The following FAM186A variants were observed in gnomAD, a reference collection of about 807,000 sequenced individuals.
The protein encoded by FAM186A is family with sequence similarity 186 member A.
In FAM186A, 163 loss-of-function variants were observed where a neutral mutation model predicts 216.8. The ratio of observed to expected loss-of-function variants is 0.75; its 90% CI spans 0.66 to 0.86. The LOEUF (loss-of-function observed/expected upper bound fraction) is 0.86, where lower values mean the gene tolerates loss of function less well. Ranked by LOEUF, FAM186A falls within the 40% of genes least tolerant of loss-of-function variation. The pLI is 0.00. For missense variants in FAM186A, 2,184 were observed against 2,746.2 expected (o/e 0.80, Z 4.58); for synonymous variants, 805 against 1,025.3 (o/e 0.79, Z 4.10).
chr12:50,344,870 G>A (rs570674550), intron 4 of FAM186A, among the ~76,000 whole-genome samples: 5 of 152,152 alleles, frequency 3.3e-5, no homozygotes. Context: ...GCTACTCGGA[G>A]GCTGATATGG....
At chr12:50,361,696 T>C (rs1182821021) in intron 2 of FAM186A, among the ~76,000 whole-genome samples, 1 of 148,276 alleles carries the variant, frequency 6.7e-6, no homozygotes. Flanking sequence ...TCAGCCTCCC[T>C]AGTAGCTGGG....
At chr12:50,327,472 G>T in intron 7 of FAM186A, 68 bp from the exon 8 acceptor site, 1 of 1,177,760 alleles carries the variant, frequency 8.5e-7, no homozygotes, top group Non-Finnish European at 1.2e-6. Context: ...GAATATAGGT[G>T]AGTCATAGGG....
Position 50,331,691 on chromosome 12 carries a change from G to A in FAM186A, c.6827C>T (p.Ser2276Phe). Residue 2276 changes from serine (S) to phenylalanine (F), a missense_variant, in exon 6 of 8, where the codon TCT (serine) becomes TTT (phenylalanine). This residue lies in a region of FAM186A where 721 missense variants were observed against 816.4 expected (regional missense o/e 0.88). Coordinates refer to ENST00000327337, the MANE Select transcript of FAM186A (RefSeq NM_001145475.3). ...LKLLMEEDRT[S>F]DICKKFRQQE... ...ATACCTAAATTTCTTGCATATGTCA[G>A]AGGTTCTGTCCTCTTCCATTAGTAA... 1.3e-6 allele frequency: 2 copies of A among 1,544,172 alleles called. No individual in the cohort carries two copies.
At position 50,350,389 on chromosome 12, in the gene FAM186A, G is replaced by A. The variant is rs766508335; in HGVS notation, c.6443C>T (p.Thr2148Ile). The stretch of plus-strand genomic sequence containing the variant: ...GCGGAATAAGTATCCCAACTGAACT[G>A]TGTCCATATGAAGTATCTCAATTAT... Reference protein sequence around the residue: ...TLIIEILHMDTVQLGYLFRKY... With the variant: ...TLIIEILHMDIVQLGYLFRKY... Residue 2148 changes from threonine to isoleucine, a missense_variant, in exon 4 of 8, where the codon ACA becomes ATA. Physicochemically the swap from Thr to Ile is moderately conservative, Grantham distance 89. This residue lies in a region of FAM186A where 721 missense variants were observed against 816.4 expected (regional missense o/e 0.88). Transcript: ENST00000327337. 3.9e-6 allele frequency: 6 copies of A among 1,551,168 alleles called. No individual in the cohort carries two copies. The highest frequency in any genetic ancestry group is 3.6e-5 in the South Asian group (3 of 84,032).
At chr12:50,371,465 A>G (rs1178753706) in intron 1 of FAM186A, among the ~76,000 whole-genome samples, 1 of 152,170 alleles carries the variant, frequency 6.6e-6, no homozygotes, top group Non-Finnish European at 1.5e-5. Context: ...ATTCAGCCTT[A>G]AAATTGAAGG....
At position 50,353,510 on chromosome 12, in the gene FAM186A, C is replaced by G; in HGVS notation, c.3322G>C (p.Gly1108Arg). 6.5e-7 allele frequency: 1 copy of G among 1,539,170 alleles called. No homozygotes were observed. The highest frequency in any genetic ancestry group is 1.2e-5 in the South Asian group (1 of 81,750). The change falls in exon 4 of 8, where the codon GGG becomes CGG. Residue 1108 changes from glycine (G) to arginine (R), a missense_variant. Physicochemically the swap from Gly to Arg is moderately radical, Grantham distance 125. Coordinates refer to ENST00000327337, the MANE Select transcript of FAM186A (RefSeq NM_001145475.3). ...GCCTGCTGAGGGGTGAGAGGGATCC[C>G]TAGTTCCTGGGCCTGCTGAAGGGTG... ...TLTLQQAQEL[G>R]IPLTPQQAQA...
Position 50,351,649 on chromosome 12 carries a change from A to T in FAM186A, c.5183T>A (p.Ile1728Asn), listed in dbSNP as rs1461948941. 1.3e-6 allele frequency: 2 copies of T among 1,551,560 alleles called. No homozygotes were observed. Among genetic ancestry groups the T allele is most frequent in the Non-Finnish European group, 1.7e-6 (2 of 1,146,894 alleles). ...AAGACTTGGAGACAATCTTGATATG[A>T]TGGATTGCCCAGTGGGGAGAGAAGC... ...SKASLPTGQSIISRLSPSLRL... is the reference protein window; with the variant it reads ...SKASLPTGQSNISRLSPSLRL... Residue 1728 changes from isoleucine (I) to asparagine (N), a missense_variant, in exon 4 of 8, where the codon ATC becomes AAC. Physicochemically the swap from Ile to Asn is moderately radical, Grantham distance 149 (BLOSUM62 -3). Coordinates refer to ENST00000327337, the MANE Select transcript of FAM186A (RefSeq NM_001145475.3).
Position 50,354,935 on chromosome 12 carries a change from G to T in FAM186A, c.1897C>A (p.Gln633Lys). Reference protein sequence around the residue: ...KTEEKEELTKQVKSHQLVKSL... With the variant: ...KTEEKEELTKKVKSHQLVKSL... Reference sequence around the variant, plus strand: ...TTAACAAGTTGATGAGACTTGACTTGTTTGGTCAACTCTTCCTTCTCTTCA... The same window carrying T: ...TTAACAAGTTGATGAGACTTGACTTTTTTGGTCAACTCTTCCTTCTCTTCA... Residue 633 changes from glutamine (Q) to lysine (K), a missense_variant, in exon 4 of 8, where the codon CAA becomes AAA. Transcript: ENST00000327337. 1 of 1,550,526 alleles carries T rather than the reference G, an allele frequency of 6.4e-7. No individual in the cohort carries two copies. The highest frequency in any genetic ancestry group is 2.0e-5 in the Admixed American group (1 of 50,794).
intron 1 of FAM186A, among the ~76,000 whole-genome samples, chr12:50,388,388 C>T (rs1415839361): frequency 6.6e-6 from 1 of 152,060 alleles, no homozygotes; most frequent in Non-Finnish European, 1.5e-5. Context: ...GAGGCAGAGG[C>T]GGGAGGATCC....
chr12:50,330,727 T>C lies in FAM186A; in HGVS notation c.6880A>G (p.Asn2294Asp), dbSNP rs1473299996. The change falls in exon 7 of 8, where the codon AAT becomes GAT. Residue 2294 changes from asparagine to aspartate, a missense_variant. Coordinates refer to ENST00000327337, the MANE Select transcript of FAM186A (RefSeq NM_001145475.3). ...TAGCTTGAAGTGGACAGATCAACAT[T>C]CCAGATGGCCTCTGTCTGGTCCTCT... ...QQEDQTEAIW[N>D]VDLSTSSYPI... 6.5e-7 allele frequency: 1 copy of C among 1,532,470 alleles called. No individual in the cohort carries two copies. The highest frequency in any genetic ancestry group is 8.8e-7 in the Non-Finnish European group (1 of 1,140,840). The allele number at this position is 1,532,470 out of a possible 1,614,324, so 94.9% of individuals were successfully genotyped here. A position where few individuals can be genotyped will look rare whatever the true frequency, so the allele number is the denominator to read the frequency against.
At chr12:50,384,255 G>A (rs953147618) in intron 1 of FAM186A, among the ~76,000 whole-genome samples, 1 of 151,926 alleles carries the variant, frequency 6.6e-6, no homozygotes, top group Admixed American at 6.6e-5. Context: ...GGGCAACATA[G>A]GAGACCCTGT....
intron 2 of FAM186A, 25 bp downstream of exon 2, chr12:50,363,120 C>T: frequency 1.3e-6 from 2 of 1,509,010 alleles, no homozygotes; most frequent in Non-Finnish European, 1.8e-6. Context: ...TATGGTTTTC[C>T]TCTGAACCGC....
At chr12:50,357,037 CATACATACATACATAAA>C (rs1160041625) in intron 3 of FAM186A, among the ~76,000 whole-genome samples, 1 of 135,752 alleles carries the variant, frequency 7.4e-6, no homozygotes, top group Admixed American at 7.8e-5. Context: ...TACATACATA[CATACATACATACATAAA>C]ATAAAATAAA....
chr12:50,344,240 T>A (rs1942791807), intron 4 of FAM186A, among the ~76,000 whole-genome samples: 1 of 152,140 alleles, frequency 6.6e-6, no homozygotes, highest in African/African-American at 2.4e-5. Flanking sequence ...TAGTACCCAA[T>A]AGGTAGTTTT....
At chr12:50,328,961 CA>C (rs929570478) in intron 7 of FAM186A, among the ~76,000 whole-genome samples, 1 of 151,466 alleles carries the variant, frequency 6.6e-6, no homozygotes, top group African/African-American at 2.4e-5. Flanking sequence ...ACTAAAAATA[CA>C]AAAAAAATTA....
In FAM186A at chr12:50,354,093, C is replaced by T. The variant is rs1438300482; in HGVS notation, c.2739G>A (p.Glu913=). 6.4e-7 allele frequency: 1 copy of T among 1,551,668 alleles called. No individual in the cohort carries two copies. Among genetic ancestry groups the T allele is most frequent in the African/African-American group, 1.4e-5 (1 of 73,126 alleles). The change falls in exon 4 of 8, where the codon GAG becomes GAA. Residue 913 remains glutamate (E), a synonymous_variant. Coordinates refer to ENST00000327337, the MANE Select transcript of FAM186A (RefSeq NM_001145475.3). ...GGCTTGACTTTGGAAGCTCTTCTTCCTCCTGTCCTCTTTGCTTTTGCTTTT... is the reference window on the plus strand; with the variant it reads ...GGCTTGACTTTGGAAGCTCTTCTTCTTCCTGTCCTCTTTGCTTTTGCTTTT... ...QEEKQKQRGQ[E]EEELPKSSLQ... is the part of the protein sequence containing the mutation.
chr12:50,330,821 T>C, intron 6 of FAM186A, 63 bp from the exon 7 acceptor site: 3 of 1,372,586 alleles, frequency 2.2e-6, no homozygotes, highest in Non-Finnish European at 2.9e-6. Flanking sequence ...CATCAAAATA[T>C]ATCTTATTCT....
intron 1 of FAM186A, among the ~76,000 whole-genome samples, chr12:50,389,987 ACAGTAGCC>A (rs1276183718): frequency 6.6e-6 from 1 of 152,056 alleles, no homozygotes; most frequent in African/African-American, 2.4e-5. Flanking sequence ...CTTTCCCACC[ACAGTAGCC>A]CTCACTCCAC....
At position 50,353,378 on chromosome 12, in the gene FAM186A, C is replaced by G; in HGVS notation, c.3454G>C (p.Asp1152His). The G allele has an allele frequency of 6.5e-7, 1 of 1,534,176 alleles. No individual in the cohort carries two copies. The highest frequency in any genetic ancestry group is 1.2e-5 in the South Asian group (1 of 82,054). Residue 1152 changes from aspartate to histidine, a missense_variant, in exon 4 of 8, where the codon GAC (aspartate) becomes CAC (histidine). Physicochemically the swap from Asp to His is moderately conservative, Grantham distance 81. Coordinates refer to ENST00000327337, the MANE Select transcript of FAM186A (RefSeq NM_001145475.3). ...VQGITLTPQQ[D>H]QAPGISLTTQ... ...GTGAGAGAGATCCCCGGGGCCTGGT[C>G]CTGCTGAGGGGTGAGAGTGATCCCT...
Sources: allele counts gnomAD v4.1 joint callset (sites outside exome capture counted in the v4.1 genomes callset), GRCh38; gene constraint gnomAD v4.1.1; regional missense constraint gnomAD v4.1.1; transcripts MANE v1.5; gene names NCBI Gene and HGNC (gene_info 2026-07-23, HGNC 2026-07-21).